The following CDK14 variants were observed in gnomAD, a reference collection of about 807,000 sequenced individuals.
The protein encoded by CDK14 is cyclin-dependent kinase 14.
CDK14 carries 34 observed loss-of-function variants against 60.7 expected under a neutral mutation model. The observed-to-expected ratio is 0.56, with a 90% CI of 0.43 to 0.75. The LOEUF (loss-of-function observed/expected upper bound fraction) is 0.75, where lower values mean the gene tolerates loss of function less well. Ranked by LOEUF, CDK14 falls within the 30% of genes least tolerant of loss-of-function variation. The pLI is 0.00. For synonymous variants in CDK14, 197 were observed against 203.7 expected, an observed-to-expected ratio of 0.97 and a Z score of 0.28; for missense variants, 482 against 564.1, an observed-to-expected ratio of 0.85 and a Z score of 1.47.
chr7:90,796,162 A>G lies in CDK14; in HGVS notation c.544+5510A>G, dbSNP rs1333613984. 2.0e-5 allele frequency among the ~76,000 whole-genome samples: 3 copies of G among 152,112 alleles called. 1 individual carries two copies. The Middle Eastern group carries it at 9.5e-3, about 481-fold the overall frequency. ...CAGTTGCGGTTGTGTTGTAGAATGC[A>G]GGGCTGTGTAGGTGGGATCTTGTTC... On this transcript the variant is annotated intron_variant, in intron 5 of 14. Coordinates refer to ENST00000380050, the MANE Select transcript of CDK14 (RefSeq NM_001287135.2).
intron 14 of CDK14, among the ~76,000 whole-genome samples, chr7:91,150,655 A>G (rs574608586): frequency 6.6e-6 from 1 of 152,348 alleles, no homozygotes; most frequent in East Asian, 1.9e-4. Flanking sequence ...TAAGTCAACA[A>G]TGGTTCTGAA....
intron 2 of CDK14, among the ~76,000 whole-genome samples, chr7:90,641,692 C>T (rs928032837): frequency 2.8e-4 from 43 of 152,180 alleles, no homozygotes; most frequent in African/African-American, 9.6e-4. Context: ...TTGAGATCAT[C>T]AAAGTGGATT....
At chr7:90,718,435 A>G (rs1554440233) in intron 2 of CDK14, among the ~76,000 whole-genome samples, 1 of 152,136 alleles carries the variant, frequency 6.6e-6, no homozygotes, top group Non-Finnish European at 1.5e-5. Flanking sequence ...ACTGCTGCCT[A>G]AAGTTCATAG....
chr7:90,717,210 T>C (rs1802280066), intron 2 of CDK14, among the ~76,000 whole-genome samples: 1 of 152,062 alleles, frequency 6.6e-6, no homozygotes, highest in Non-Finnish European at 1.5e-5. Flanking sequence ...TCAGGAAGTA[T>C]AGGCATCTAC....
At chr7:90,748,768 T>C (rs1290883801) in intron 4 of CDK14, among the ~76,000 whole-genome samples, 1 of 152,156 alleles carries the variant, frequency 6.6e-6, no homozygotes, top group African/African-American at 2.4e-5. Flanking sequence ...AAAAACTCTT[T>C]TGCAGAAACG....
At chr7:90,956,651 A>C (rs1362116674) in intron 9 of CDK14, among the ~76,000 whole-genome samples, 1 of 152,038 alleles carries the variant, frequency 6.6e-6, no homozygotes, top group Non-Finnish European at 1.5e-5. Flanking sequence ...TTTAGGGTAC[A>C]TGTGCACAAT....
chr7:90,762,148 T>C (rs1804342230), intron 4 of CDK14, among the ~76,000 whole-genome samples: 1 of 152,080 alleles, frequency 6.6e-6, no homozygotes, highest in Non-Finnish European at 1.5e-5. Context: ...TATGCATAGG[T>C]CTGAAGGAGG....
chr7:91,054,496 ACATTAT>A (rs1239692763), intron 11 of CDK14, among the ~76,000 whole-genome samples: 2 of 152,208 alleles, frequency 1.3e-5, no homozygotes, highest in Non-Finnish European at 2.9e-5. Context: ...AACTATGTGA[ACATTAT>A]AAAGCTAAGG....
chr7:90,951,763 A>G (rs779000525), intron 8 of CDK14, among the ~76,000 whole-genome samples: 1 of 152,206 alleles, frequency 6.6e-6, no homozygotes, highest in Non-Finnish European at 1.5e-5. Context: ...AGTAAAGTGC[A>G]TTTGCTCCTG....
intron 13 of CDK14, among the ~76,000 whole-genome samples, chr7:91,114,262 G>GT (rs1298458610): frequency 2.0e-5 from 3 of 152,090 alleles, no homozygotes; most frequent in Non-Finnish European, 4.4e-5. Flanking sequence ...GTACTTTTCT[G>GT]TTAATATGGA....
chr7:91,132,540 C>T (rs1163047698), intron 14 of CDK14, among the ~76,000 whole-genome samples: 1 of 152,118 alleles, frequency 6.6e-6, no homozygotes, highest in Non-Finnish European at 1.5e-5. Context: ...AAAACATCTT[C>T]AAGCTGAGAG....
At chr7:91,070,956 G>A (rs950306625) in intron 11 of CDK14, among the ~76,000 whole-genome samples, 1 of 152,076 alleles carries the variant, frequency 6.6e-6, no homozygotes, top group Non-Finnish European at 1.5e-5. Context: ...ATTTTGGAAA[G>A]TAATATAGGA....
chr7:90,828,008 T>C (rs562686544), intron 5 of CDK14, among the ~76,000 whole-genome samples: 1 of 152,350 alleles, frequency 6.6e-6, no homozygotes, highest in East Asian at 1.9e-4. Flanking sequence ...ATTACATGCA[T>C]AGTCTATTAC....
intron 3 of CDK14, among the ~76,000 whole-genome samples, chr7:90,731,847 A>G (rs1247513049): frequency 6.6e-6 from 1 of 152,124 alleles, no homozygotes; most frequent in African/African-American, 2.4e-5. Context: ...CTCTTGCCTG[A>G]TTGCCCTGGC....
intron 7 of CDK14, among the ~76,000 whole-genome samples, chr7:90,900,512 A>G (rs1313012623): frequency 2.6e-4 from 40 of 152,294 alleles, no homozygotes; most frequent in Admixed American, 2.6e-3. Flanking sequence ...TATAACATGA[A>G]CATAATTTTT....
chr7:90,999,507 T>C (rs1191999222), intron 10 of CDK14, among the ~76,000 whole-genome samples: 1 of 151,808 alleles, frequency 6.6e-6, no homozygotes, highest in East Asian at 1.9e-4. Context: ...GAGAATCACT[T>C]GAACCTGGGA....
intron 14 of CDK14, among the ~76,000 whole-genome samples, chr7:91,137,693 GGTGT>G (rs1197264075): frequency 1.3e-3 from 128 of 97,008 alleles, no homozygotes; most frequent in African/African-American, 4.9e-3. Context: ...ACTTGTGGGG[GGTGT>G]GTGTGTGTGT....
At chr7:90,616,021 G>A (rs552893880) in intron 2 of CDK14, among the ~76,000 whole-genome samples, 9 of 152,116 alleles carry the variant, frequency 5.9e-5, no homozygotes, top group Non-Finnish European at 1.3e-4. Context: ...ATGGATATTG[G>A]TACAATCATA....
At chr7:90,909,259 G>A (rs548153072) in intron 7 of CDK14, among the ~76,000 whole-genome samples, 1 of 152,236 alleles carries the variant, frequency 6.6e-6, no homozygotes, top group South Asian at 2.1e-4. Flanking sequence ...GACAGAGTAA[G>A]ATTATGTTAT....
Sources: allele counts gnomAD v4.1 joint callset (sites outside exome capture counted in the v4.1 genomes callset), GRCh38; gene constraint gnomAD v4.1.1; transcripts MANE v1.5; gene names NCBI Gene and HGNC (gene_info 2026-07-23, HGNC 2026-07-21).